PTPA: variants seen among roughly 807,000 people sequenced by gnomAD.
The protein encoded by PTPA is protein phosphatase 2 phosphatase activator.
In PTPA, 13 loss-of-function variants were observed where a neutral mutation model predicts 43.6. The ratio of observed to expected loss-of-function variants is 0.30; its 90% confidence interval spans 0.19 to 0.47. The LOEUF (loss-of-function observed/expected upper bound fraction) is 0.47, where lower values mean the gene tolerates loss of function less well. Among genes scored for constraint, PTPA ranks in the 20% least tolerant of loss-of-function variants. The pLI, the probability that PTPA is intolerant of heterozygous loss-of-function variation, is 0.99. For missense variants in PTPA, 329 were observed against 411.9 expected (o/e 0.80, Z 1.74); for synonymous variants, 172 against 158.2 (o/e 1.09, Z -0.66).
At chr9:129,142,947 G>A in intron 9 of PTPA, 1 of 1,426,812 alleles carries the variant, frequency 7.0e-7, no homozygotes, top group South Asian at 1.5e-5. Flanking sequence ...ACCCTTTGGA[G>A]GCATCTCCAA....
intron 1 of PTPA, among the ~76,000 whole-genome samples, chr9:129,120,237 G>A (rs186439492): frequency 1.3e-3 from 191 of 148,712 alleles, no homozygotes; most frequent in Non-Finnish European, 2.3e-3. Context: ...CAGCCTGGGC[G>A]ACAGAGCGAG....
intron 3 of PTPA, among the ~76,000 whole-genome samples, chr9:129,127,547 G>A (rs181121669): frequency 3.9e-5 from 6 of 152,310 alleles, no homozygotes; most frequent in African/African-American, 1.2e-4. Flanking sequence ...ATTTTCCACC[G>A]GCCCTGGTGC....
Position 129,129,365 on chromosome 9 carries a change from G to C in PTPA, c.342+255G>C, listed in dbSNP as rs191755005. ...TAAGTCACTGTATTACAGCAAACTG[G>C]AAATGTTCCAAGTATCCATCTGTAG... is the stretch of plus-strand genomic sequence containing the variant. On this transcript the variant is annotated intron_variant, in intron 4 of 9. Transcript: ENST00000393370. Among the ~76,000 whole-genome samples the C allele has an allele frequency of 2.8e-4, 43 of 152,236 alleles. 1 individual carries two copies. In the East Asian group the frequency reaches 5.6e-3, roughly 20 times the overall value.
At chr9:129,114,236 T>A (rs1848726316) in intron 1 of PTPA, among the ~76,000 whole-genome samples, 1 of 152,180 alleles carries the variant, frequency 6.6e-6, no homozygotes, top group Non-Finnish European at 1.5e-5. Flanking sequence ...TGGGCCAGGC[T>A]GGTCTCGAAC....
chr9:129,127,673 A>C (rs755053627), intron 3 of PTPA, among the ~76,000 whole-genome samples: 2 of 151,932 alleles, frequency 1.3e-5, no homozygotes, highest in Admixed American at 6.6e-5. Flanking sequence ...TGCTGCCCGC[A>C]CCTCTGACTC....
At chr9:129,120,439 A>AAT in intron 1 of PTPA, 74 bp from the exon 2 acceptor site, 5 of 928,444 alleles carry the variant, frequency 5.4e-6, no homozygotes, top group Non-Finnish European at 7.9e-6. Flanking sequence ...AAAAAAAAAA[A>AAT]GGTGAAAGGG....
intron 1 of PTPA, among the ~76,000 whole-genome samples, chr9:129,119,984 C>T (rs575225263): frequency 6.6e-6 from 1 of 152,044 alleles, no homozygotes; most frequent in South Asian, 2.1e-4. Context: ...AGAGGCCGGG[C>T]GCTTTGGCTC....
chr9:129,127,936 G>GTTGT lies in PTPA; in HGVS notation c.217-1048_217-1045dup, dbSNP rs756859376. ...ATGAAATGTTATTCACTTAGTAAAA[G>GTTGT]TTGTCATAAGATTATGTTTATATGT... is the stretch of plus-strand genomic sequence containing the variant. On this transcript the variant is annotated intron_variant, in intron 3 of 9. Transcript: ENST00000393370. The GTTGT allele has an allele frequency of 3.1e-6, 4 of 1,276,934 alleles. No homozygotes were observed. In the African/African-American group the frequency reaches 4.6e-5, roughly 15 times the overall value. The allele number at this position is 1,276,934 out of a possible 1,614,324, so 79.1% of individuals were successfully genotyped here.
chr9:129,146,916 C>T (rs1013150048), intron 9 of PTPA, among the ~76,000 whole-genome samples: 8 of 152,358 alleles, frequency 5.3e-5, no homozygotes, highest in African/African-American at 1.9e-4. Flanking sequence ...CTTATTGTCT[C>T]GCTCTGAAGT....
chr9:129,126,536 G>T (rs765160288), intron 3 of PTPA, among the ~76,000 whole-genome samples: 1 of 152,010 alleles, frequency 6.6e-6, no homozygotes, highest in Non-Finnish European at 1.5e-5. Flanking sequence ...TAACATTTTC[G>T]ATTTTTGCAA....
At chr9:129,130,867 G>A (rs1849915199) in intron 4 of PTPA, among the ~76,000 whole-genome samples, 1 of 152,120 alleles carries the variant, frequency 6.6e-6, no homozygotes, top group Non-Finnish European at 1.5e-5. Context: ...ATATCGCCCA[G>A]ATTATTCTGA....
chr9:129,145,864 G>A (rs978143972), intron 9 of PTPA, among the ~76,000 whole-genome samples: 10 of 152,138 alleles, frequency 6.6e-5, no homozygotes, highest in African/African-American at 1.9e-4. Context: ...GTCTGAAGCC[G>A]CTGCTCCGCC....
chr9:129,129,253 A>G, intron 4 of PTPA, 143 bp downstream of exon 4: 4 of 1,219,874 alleles, frequency 3.3e-6, no homozygotes, highest in Non-Finnish European at 4.5e-6. Flanking sequence ...ACTTAGCAAA[A>G]TTACAAATGA....
At chr9:129,144,911 T>C (rs1274967064) in intron 9 of PTPA, among the ~76,000 whole-genome samples, 1 of 152,188 alleles carries the variant, frequency 6.6e-6, no homozygotes, top group African/African-American at 2.4e-5. Context: ...CTCATGCCTG[T>C]GGTCCCAGCT....
At chr9:129,118,712 G>C (rs114156962) in intron 1 of PTPA, among the ~76,000 whole-genome samples, 5,720 of 150,662 alleles carry the variant, frequency 0.038, 354 homozygotes, top group African/African-American at 0.13. Context: ...ATGGGGTCTC[G>C]CTGTGTTGCC....
At position 129,136,588 on chromosome 9, in the gene PTPA, G is replaced by C; in HGVS notation, c.678G>C (p.Gln226His). ...QFLPFIWGSS[Q>H]LIDHPYLEPR... ...TGCCCTTCATCTGGGGCAGTTCGCA[G>C]CTGATAGGTACTAGAGCGGGAGGTG... Residue 226 changes from glutamine to histidine, a missense_variant, in exon 7 of 10, where the codon CAG becomes CAC. Coordinates refer to ENST00000393370, the MANE Select transcript of PTPA (RefSeq NM_178000.3). 1 of 1,613,090 alleles carries C rather than the reference G, an allele frequency of 6.2e-7. No homozygotes were observed. The highest frequency in any genetic ancestry group is 8.5e-7 in the Non-Finnish European group (1 of 1,179,454).
At chr9:129,142,158 A>T in intron 8 of PTPA, 1 of 332,512 alleles carries the variant, frequency 3.0e-6, no homozygotes, top group East Asian at 4.6e-5. Context: ...TGGCTGTGGG[A>T]GAAAGAGGGG....
Position 129,111,472 on chromosome 9 carries a change from C to T in PTPA, c.-129C>T. On this transcript the variant is annotated 5_prime_UTR_variant, in exon 1 of 10. Coordinates refer to ENST00000393370, the MANE Select transcript of PTPA (RefSeq NM_178000.3). The stretch of plus-strand genomic sequence containing the variant: ...TTTAACTCTCGGTTTTCGGTTATAG[C>T]CGGCCGGCGCTCACTTGTCTTCAGG... 2.4e-6 allele frequency: 3 copies of T among 1,262,164 alleles called. No individual in the cohort carries two copies. The highest frequency in any genetic ancestry group is 3.0e-6 in the Non-Finnish European group (3 of 995,540). The allele number at this position is 1,262,164 out of a possible 1,614,324, so 78.2% of individuals were successfully genotyped here. A position where few individuals can be genotyped will look rare whatever the true frequency, so the allele number is the denominator to read the frequency against.
intron 7 of PTPA, 57 bp downstream of exon 7, chr9:129,136,652 C>A: frequency 6.6e-7 from 1 of 1,514,690 alleles, no homozygotes; most frequent in South Asian, 1.3e-5. Context: ...CGTTCTGTGG[C>A]CCTCCCCTGC....
Sources: gnomAD v4.1 joint callset for allele counts (sites outside exome capture counted in the v4.1 genomes callset) on GRCh38, gnomAD v4.1.1 for gene constraint, MANE v1.5 for transcripts, NCBI Gene and HGNC (gene_info 2026-07-23, HGNC 2026-07-21) for gene names.